The following TRIML2 variants were observed in gnomAD, a reference collection of about 807,000 sequenced individuals.
TRIML2 encodes the protein probable E3 ubiquitin-protein ligase TRIML2.
A neutral mutation model predicts 31.2 loss-of-function variants in TRIML2; 28 were observed. That is an observed-to-expected ratio of 0.90 (90% CI 0.66 to 1.23). The LOEUF (loss-of-function observed/expected upper bound fraction) is 1.23. TRIML2 is among the 50% of genes most tolerant of loss of function. TRIML2 has a pLI of 0.00. For missense variants in TRIML2, 536 were observed against 528.3 expected, an observed-to-expected ratio of 1.01 and a Z score of -0.14; for synonymous variants, 187 against 197.5, an observed-to-expected ratio of 0.95 and a Z score of 0.45.
intron 7 of TRIML2, among the ~76,000 whole-genome samples, chr4:188,094,107 A>AAAC (rs1553994733): frequency 4.9e-5 from 7 of 144,254 alleles, no homozygotes; most frequent in Middle Eastern, 3.3e-3. Flanking sequence ...CAAAAACAAA[A>AAAC]ACAAAAACAA....
chr4:188,100,699 A>C (rs1366855998), intron 4 of TRIML2, among the ~76,000 whole-genome samples: 2 of 151,966 alleles, frequency 1.3e-5, no homozygotes, highest in Non-Finnish European at 2.9e-5. Flanking sequence ...TCCAGCCTGG[A>C]GACAGAGCCA....
intron 1 of TRIML2, among the ~76,000 whole-genome samples, chr4:188,108,624 A>G (rs953675912): frequency 3.9e-5 from 6 of 152,058 alleles, no homozygotes; most frequent in African/African-American, 1.4e-4. Flanking sequence ...TGATCTCTCT[A>G]TAGCTTTCCC....
Position 188,101,239 on chromosome 4 carries a change from T to G in TRIML2, c.297A>C (p.Gln99His). 1.9e-6 allele frequency: 3 copies of G among 1,610,666 alleles called. No homozygotes were observed. Among genetic ancestry groups the G allele is most frequent in the South Asian group, 1.1e-5 (1 of 90,740 alleles). ...ERMAMIQEEE[Q>H]NFKKMIESEY... ...CAGACTCAATCATCTTTTTAAAATTTTGTTCCTCTTCCTTCCTCATATAGA... is the reference window on the plus strand; with the variant it reads ...CAGACTCAATCATCTTTTTAAAATTGTGTTCCTCTTCCTTCCTCATATAGA... The change falls in exon 4 of 8, where the codon CAA becomes CAC. Residue 99 changes from glutamine (Q) to histidine (H), a missense_variant. Physicochemically the swap from Gln to His is conservative, Grantham distance 24. Coordinates refer to ENST00000682553, the MANE Select transcript of TRIML2 (RefSeq NM_173553.4).
intron 3 of TRIML2, 76 bp from the exon 4 acceptor site, chr4:188,101,326 GATATCT>G (rs1560952659): frequency 1.4e-5 from 11 of 776,288 alleles, no homozygotes; most frequent in African/African-American, 3.5e-5. Flanking sequence ...ATAATAGATA[GATATCT>G]ATATCTATAT....
Position 188,105,533 on chromosome 4 carries a change from A to G in TRIML2, c.-165T>C. 2.0e-6 allele frequency: 1 copy of G among 508,304 alleles called. No homozygotes were observed. The highest frequency in any genetic ancestry group is 3.4e-6 in the Non-Finnish European group (1 of 292,258). The allele number at this position is 508,304 out of a possible 1,614,324, so 31.5% of individuals were successfully genotyped here. ...GATCCAAGGAAATAAGTCCACGCAG[A>G]CAGAGCGGGTCGGCGCTCTGGACTC... On this transcript the variant is annotated 5_prime_UTR_variant, in exon 2 of 8. Coordinates refer to ENST00000682553, the MANE Select transcript of TRIML2 (RefSeq NM_173553.4).
At position 188,097,220 on chromosome 4, in the gene TRIML2, G is replaced by C. The variant is rs561688962; in HGVS notation, c.645-59C>G. On this transcript the variant is annotated intron_variant, in intron 6 of 7. Coordinates refer to ENST00000682553, the MANE Select transcript of TRIML2 (RefSeq NM_173553.4). ...AGACCACAGGCCCCTTAGTCTACTG[G>C]ATGGATCCCATTACATCCTACCAGC... 410 of 1,592,572 alleles carry C rather than the reference G, an allele frequency of 2.6e-4. 1 individual carries two copies. The African/African-American group carries it at 5.0e-3, about 19-fold the overall frequency.
At chr4:188,092,502 C>T (rs1011242060) in intron 7 of TRIML2, among the ~76,000 whole-genome samples, 1 of 150,058 alleles carries the variant, frequency 6.7e-6, no homozygotes, top group Non-Finnish European at 1.5e-5. Flanking sequence ...AAAACAGCTT[C>T]ACCCCAGAGA....
chr4:188,091,784 T>A lies in TRIML2; in HGVS notation c.903A>T (p.Ser301=), dbSNP rs1733271388. 1 of 1,614,006 alleles carries A rather than the reference T, an allele frequency of 6.2e-7. No homozygotes were observed. The highest frequency in any genetic ancestry group is 1.1e-5 in the South Asian group (1 of 91,084). The change falls in exon 8 of 8, where the codon TCA becomes TCT. Residue 301 remains serine, a synonymous_variant. Transcript: ENST00000682553. ...AMVLAAESFT[S]GRHYWEVDVE... is the part of the protein sequence containing the mutation. ...CGTCCACCTCCCAGTAGTGCCTCCC[T>A]GAGGTGAAGCTCTCCGCAGCCAGCA...
Position 188,106,837 on chromosome 4 carries a change from C to G in TRIML2, c.-222-1247G>C, listed in dbSNP as rs1734063830. 5 of 252,452 alleles carry G rather than the reference C, an allele frequency of 2.0e-5. No individual in the cohort carries two copies. The South Asian group carries it at 2.3e-4, about 12-fold the overall frequency. The allele number at this position is 252,452 out of a possible 1,614,324, so 15.6% of individuals were successfully genotyped here. On this transcript the variant is annotated intron_variant, in intron 1 of 7. Coordinates refer to ENST00000682553, the MANE Select transcript of TRIML2 (RefSeq NM_173553.4). ...AAGGTGGCCAAGCGAGAAGACAGGC[C>G]GGGCTGAGCCGCGGGTGCGGTACCA... is the stretch of plus-strand genomic sequence containing the variant.
Position 188,109,548 on chromosome 4 carries a change from G to C in TRIML2, c.-528C>G, listed in dbSNP as rs557456305. 6.6e-6 allele frequency: 1 copy of C among 152,150 alleles called. No individual in the cohort carries two copies. The highest frequency in any genetic ancestry group is 6.6e-5 in the Admixed American group (1 of 15,240). The allele number at this position is 152,150 out of a possible 1,614,324, so 9.4% of individuals were successfully genotyped here. A position where few individuals can be genotyped will look rare whatever the true frequency, so the allele number is the denominator to read the frequency against. ...CTGCTTCAGCCTCCCAAAGTACTGG[G>C]ATTACAGGAATGAGTCACCACACCG... is the stretch of plus-strand genomic sequence containing the variant. On this transcript the variant is annotated 5_prime_UTR_variant, in exon 1 of 8. In the 5' UTR this introduces an upstream ATG that the reference lacks. Transcript: ENST00000682553.
Position 188,105,557 on chromosome 4 carries a change from T to G in TRIML2, c.-189A>C, listed in dbSNP as rs2111190814. 4.6e-6 allele frequency: 2 copies of G among 435,408 alleles called. No individual in the cohort carries two copies. The highest frequency in any genetic ancestry group is 6.2e-5 in the East Asian group (2 of 32,250). The allele number at this position is 435,408 out of a possible 1,614,324, so 27.0% of individuals were successfully genotyped here. A position where few individuals can be genotyped will look rare whatever the true frequency, so the allele number is the denominator to read the frequency against. ...GACAGAGCGGGTCGGCGCTCTGGAC[T>G]CCTCAAATCCAACAAATTTCTGGCA... On this transcript the variant is annotated 5_prime_UTR_variant, in exon 2 of 8. Coordinates refer to ENST00000682553, the MANE Select transcript of TRIML2 (RefSeq NM_173553.4).
chr4:188,091,477 G>T lies in TRIML2; in HGVS notation c.1210C>A (p.Leu404Ile), dbSNP rs779391366. 1.9e-6 allele frequency: 3 copies of T among 1,614,156 alleles called. No individual in the cohort carries two copies. Among genetic ancestry groups the T allele is most frequent in the East Asian group, 4.5e-5 (2 of 44,876 alleles). ...ATACAGAGGGAAAACACAGGCCTGA[G>T]AGCTCCTTGGAAGGCGCAATGGGAG... ...NFSHCAFQGA[L>I]RPVFSLCIPN... The change falls in exon 8 of 8, where the codon CTC (leucine) becomes ATC (isoleucine). Residue 404 changes from leucine to isoleucine, a missense_variant. Transcript: ENST00000682553.
chr4:188,094,113 A>C (rs1733397428), intron 7 of TRIML2, among the ~76,000 whole-genome samples: 1 of 146,818 alleles, frequency 6.8e-6, no homozygotes, highest in Admixed American at 6.8e-5. Flanking sequence ...CAAAAACAAA[A>C]ACAAAAACAA....
At position 188,109,536 on chromosome 4, in the gene TRIML2, C is replaced by T. The variant is rs1222558313; in HGVS notation, c.-516G>A. On this transcript the variant is annotated 5_prime_UTR_variant, in exon 1 of 8. Transcript: ENST00000682553. ...CAAGCAATCTGCCTGCTTCAGCCTC[C>T]CAAAGTACTGGGATTACAGGAATGA... 1.3e-5 allele frequency: 2 copies of T among 151,988 alleles called. No homozygotes were observed. The highest frequency in any genetic ancestry group is 2.9e-5 in the Non-Finnish European group (2 of 68,044). The allele number at this position is 151,988 out of a possible 1,614,324, so 9.4% of individuals were successfully genotyped here.
chr4:188,104,450 G>A (rs1460676609), intron 3 of TRIML2, among the ~76,000 whole-genome samples: 2 of 149,398 alleles, frequency 1.3e-5, no homozygotes, highest in Non-Finnish European at 3.0e-5. Flanking sequence ...TGCAACCTCT[G>A]CCTCCCAGTT....
chr4:188,092,542 T>C (rs1258567261), intron 7 of TRIML2, among the ~76,000 whole-genome samples: 3 of 152,070 alleles, frequency 2.0e-5, no homozygotes, highest in African/African-American at 7.2e-5. Context: ...CCAAGTTCCA[T>C]CCAGATATCA....
intron 3 of TRIML2, among the ~76,000 whole-genome samples, chr4:188,102,651 C>G (rs1560953898): frequency 2.0e-5 from 3 of 151,962 alleles, no homozygotes; most frequent in East Asian, 2.0e-4. Flanking sequence ...CAGTTCGAGA[C>G]CAGCCTGACC....
chr4:188,097,540 C>T lies in TRIML2; in HGVS notation c.622-194G>A, dbSNP rs556160019. 7.2e-5 allele frequency among the ~76,000 whole-genome samples: 11 copies of T among 152,218 alleles called. No individual in the cohort carries two copies. The South Asian group carries it at 1.7e-3, about 23-fold the overall frequency. On this transcript the variant is annotated intron_variant, in intron 5 of 7. Coordinates refer to ENST00000682553, the MANE Select transcript of TRIML2 (RefSeq NM_173553.4). Reference sequence around the variant, plus strand: ...AGAAAAATGCATGAAATCATTTTGTCGTAGTCCCAAGGGAAAGGTTTTCTA... The same window carrying T: ...AGAAAAATGCATGAAATCATTTTGTTGTAGTCCCAAGGGAAAGGTTTTCTA...
intron 1 of TRIML2, among the ~76,000 whole-genome samples, chr4:188,106,216 A>T (rs1168425677): frequency 6.6e-6 from 1 of 151,622 alleles, no homozygotes; most frequent in East Asian, 1.9e-4. Flanking sequence ...CGCCCGGCTA[A>T]TTTTTTGTAT....
Sources: allele counts gnomAD v4.1 joint callset (sites outside exome capture counted in the v4.1 genomes callset), GRCh38; gene constraint gnomAD v4.1.1; transcripts MANE v1.5; gene names NCBI Gene and HGNC (gene_info 2026-07-23, HGNC 2026-07-21).